Variants in CPEB2 observed in about 807,000 individuals in gnomAD.
CPEB2 encodes the protein cytoplasmic polyadenylation element binding protein 2.
CPEB2 carries 56 observed loss-of-function variants against 93.6 expected under a neutral mutation model. The observed-to-expected ratio is 0.60, with a 90% confidence interval of 0.48 to 0.75. CPEB2 has a LOEUF of 0.75. Among genes scored for constraint, CPEB2 ranks in the 30% least tolerant of loss-of-function variants. CPEB2 has a pLI of 0.00. For missense variants in CPEB2, 1,579 were observed against 1,395.1 expected (o/e 1.13, Z -2.10); for synonymous variants, 764 against 586.3 (o/e 1.30, Z -4.38).
At chr4:15,050,361 T>A (rs957069556) in intron 6 of CPEB2, among the ~76,000 whole-genome samples, 15 of 152,256 alleles carry the variant, frequency 9.9e-5, no homozygotes, top group Admixed American at 2.0e-4. Context: ...AAAATTGTTG[T>A]CCACAAAACT....
At chr4:15,053,166 G>A (rs1005286028) in intron 7 of CPEB2, among the ~76,000 whole-genome samples, 58 of 151,996 alleles carry the variant, frequency 3.8e-4, no homozygotes, top group African/African-American at 1.2e-3. Context: ...ACAGGCGCCC[G>A]CCACCATGCC....
In CPEB2 at chr4:15,003,030, C is replaced by T; in HGVS notation, c.357C>T (p.Pro119=). 2 of 1,502,222 alleles carry T rather than the reference C, an allele frequency of 1.3e-6. No individual in the cohort carries two copies. The highest frequency in any genetic ancestry group is 1.8e-6 in the Non-Finnish European group (2 of 1,136,330). The allele number at this position is 1,502,222 out of a possible 1,614,324, so 93.1% of individuals were successfully genotyped here. ...LSGAAATEKL[P]DHHPGGGTIA... is the part of the protein sequence containing the mutation. ...GGGCGGCGGCCACGGAGAAACTCCC[C>T]GACCACCACCCCGGCGGCGGCACGA... Residue 119 remains proline, a synonymous_variant, in exon 1 of 12, where the codon CCC becomes CCT. Coordinates refer to ENST00000538197, the MANE Select transcript of CPEB2 (RefSeq NM_001177382.2).
In CPEB2 at chr4:15,066,630, A is replaced by G. The variant is rs900335687; in HGVS notation, c.*250A>G. ...TAAAATGTTTTTTTGTATTTTCTCC[A>G]AGTTATTTTTATATGTAAAGTTAAA... On this transcript the variant is annotated 3_prime_UTR_variant, in exon 12 of 12. Transcript: ENST00000538197. 15 of 474,164 alleles carry G rather than the reference A, an allele frequency of 3.2e-5. No homozygotes were observed. Among genetic ancestry groups the G allele is most frequent in the African/African-American group, 2.9e-4 (15 of 50,918 alleles). 29.4% of individuals were successfully genotyped at this position (474,164 alleles called of 1,614,324 possible). A position where few individuals can be genotyped will look rare whatever the true frequency, so the allele number is the denominator to read the frequency against.
intron 11 of CPEB2, 36 bp from the exon 12 acceptor site, chr4:15,066,117 A>C: frequency 1.3e-6 from 2 of 1,530,580 alleles, no homozygotes; most frequent in Admixed American, 1.7e-5. Context: ...TTTCTGAAGC[A>C]GACCCTAATG....
At chr4:15,034,434 T>A (rs1015595986) in intron 5 of CPEB2, among the ~76,000 whole-genome samples, 7 of 152,216 alleles carry the variant, frequency 4.6e-5, no homozygotes, top group Non-Finnish European at 1.0e-4. Flanking sequence ...GGTTGAAAAG[T>A]GTTTCATCAC....
rs974246906 is a variant in CPEB2 at position 15,012,054 on chromosome 4, C to CA, written c.2034+3634dup. On this transcript the variant is annotated intron_variant, in intron 3 of 11. Transcript: ENST00000538197. ...TTTGAATCTTTACTCACCTTACACA[C>CA]AAAAAAACAGTATATAGTTGCATAC... 7.9e-5 allele frequency among the ~76,000 whole-genome samples: 12 copies of CA among 152,140 alleles called. No individual in the cohort carries two copies. The East Asian group carries it at 1.2e-3, about 15-fold the overall frequency.
intron 2 of CPEB2, among the ~76,000 whole-genome samples, chr4:15,007,840 A>T (rs1874208): frequency 1.3e-5 from 2 of 152,044 alleles, no homozygotes; most frequent in African/African-American, 2.4e-5. Flanking sequence ...TTAAATACAT[A>T]CTGAAGCTTT....
chr4:15,003,199 A>G lies in CPEB2; in HGVS notation c.526A>G (p.Ser176Gly). 6.5e-7 allele frequency: 1 copy of G among 1,533,842 alleles called. No individual in the cohort carries two copies. Among genetic ancestry groups the G allele is most frequent in the Non-Finnish European group, 8.7e-7 (1 of 1,146,200 alleles). The change falls in exon 1 of 12, where the codon AGC (serine) becomes GGC (glycine). Residue 176 changes from serine to glycine, a missense_variant. Physicochemically the swap from Ser to Gly is moderately conservative, Grantham distance 56 (BLOSUM62 0). Coordinates refer to ENST00000538197, the MANE Select transcript of CPEB2 (RefSeq NM_001177382.2). ...FSKRQQQQLS[S>G]QKRKEFSPPH... ...TAAGCGGCAGCAGCAGCAGCTGAGC[A>G]GCCAGAAGAGGAAAGAGTTCAGCCC... is the stretch of plus-strand genomic sequence containing the variant.
intron 9 of CPEB2, 149 bp downstream of exon 9, chr4:15,058,688 C>T: frequency 5.0e-6 from 3 of 601,750 alleles, no homozygotes; most frequent in Non-Finnish European, 8.9e-6. Flanking sequence ...CAGGAGTCCC[C>T]AACCCCTGGG....
chr4:15,050,138 A>G (rs1041199871), intron 6 of CPEB2, among the ~76,000 whole-genome samples: 3 of 152,224 alleles, frequency 2.0e-5, no homozygotes, highest in African/African-American at 7.2e-5. Flanking sequence ...CAGGCCACAC[A>G]GCAGGAGGTG....
At chr4:15,031,544 A>G (rs1366615653) in intron 4 of CPEB2, among the ~76,000 whole-genome samples, 1 of 152,220 alleles carries the variant, frequency 6.6e-6, no homozygotes, top group Non-Finnish European at 1.5e-5. Context: ...TGTATGTTTT[A>G]GAGTATGACA....
chr4:15,004,359 G>A, intron 1 of CPEB2, 24 bp downstream of exon 1: 1 of 1,412,954 alleles, frequency 7.1e-7, no homozygotes, highest in Non-Finnish European at 9.2e-7. Flanking sequence ...CGGCCTGGCC[G>A]CGCCGCGGGA....
At chr4:15,063,109 C>G (rs1353957661) in intron 11 of CPEB2, among the ~76,000 whole-genome samples, 1 of 151,940 alleles carries the variant, frequency 6.6e-6, no homozygotes, top group Non-Finnish European at 1.5e-5. Context: ...ATAGAAGATA[C>G]AATTTGAGTG....
chr4:15,064,501 A>T (rs977122401), intron 11 of CPEB2, among the ~76,000 whole-genome samples: 2 of 152,056 alleles, frequency 1.3e-5, no homozygotes, highest in African/African-American at 4.8e-5. Flanking sequence ...ACTCCTGAAC[A>T]TCTGGTGTTT....
Position 15,002,660 on chromosome 4 carries a change from C to T in CPEB2, c.-14C>T. 4 of 1,485,042 alleles carry T rather than the reference C, an allele frequency of 2.7e-6. No individual in the cohort carries two copies. Among genetic ancestry groups the T allele is most frequent in the Non-Finnish European group, 3.6e-6 (4 of 1,117,426 alleles). The allele number at this position is 1,485,042 out of a possible 1,614,324, so 92.0% of individuals were successfully genotyped here. ...GACGAGGAGCGTCTCCTCCCGCTGCCGGCGGCCTGATAAATGAGGGATTTC... is the reference window on the plus strand; with the variant it reads ...GACGAGGAGCGTCTCCTCCCGCTGCTGGCGGCCTGATAAATGAGGGATTTC... On this transcript the variant is annotated 5_prime_UTR_variant, in exon 1 of 12. Transcript: ENST00000538197.
At chr4:15,029,884 A>C (rs115374481) in intron 4 of CPEB2, among the ~76,000 whole-genome samples, 1 of 152,148 alleles carries the variant, frequency 6.6e-6, no homozygotes, top group Non-Finnish European at 1.5e-5. Context: ...CTTCCCTTTT[A>C]AGGATACAGT....
chr4:15,050,027 CA>C (rs1193288921), intron 6 of CPEB2, among the ~76,000 whole-genome samples: 1 of 152,060 alleles, frequency 6.6e-6, no homozygotes, highest in Non-Finnish European at 1.5e-5. Flanking sequence ...AATATATAAA[CA>C]AATACCCAAC....
rs1729890759 is a variant in CPEB2, at chr4:15,068,896, A to C, written c.*2516A>C. On this transcript the variant is annotated 3_prime_UTR_variant, in exon 12 of 12. Transcript: ENST00000538197. ...TAATGTTTTGTTCCTTTCCCACCTC[A>C]CCCCTACCTCTTTTGTTTTGTTTTG... 6.6e-6 allele frequency: 1 copy of C among 151,058 alleles called. No individual in the cohort carries two copies. Among genetic ancestry groups the C allele is most frequent in the African/African-American group, 2.4e-5 (1 of 41,006 alleles). The allele number at this position is 151,058 out of a possible 1,614,324, so 9.4% of individuals were successfully genotyped here. A position where few individuals can be genotyped will look rare whatever the true frequency, so the allele number is the denominator to read the frequency against.
intron 4 of CPEB2, among the ~76,000 whole-genome samples, chr4:15,032,396 G>A (rs1726215086): frequency 1.3e-5 from 2 of 152,148 alleles, no homozygotes; most frequent in African/African-American, 4.8e-5. Context: ...TAAGTGTTAT[G>A]ATGTAAAAAT....
Sources: gnomAD v4.1 joint callset for allele counts (sites outside exome capture counted in the v4.1 genomes callset) on GRCh38, gnomAD v4.1.1 for gene constraint, MANE v1.5 for transcripts, NCBI Gene and HGNC (gene_info 2026-07-23, HGNC 2026-07-21) for gene names.